The following SYT16 variants were observed in gnomAD, a reference collection of about 807,000 sequenced individuals.
SYT16 encodes synaptotagmin 16.
In SYT16, 42 loss-of-function variants were observed where a neutral mutation model predicts 61.4. That is an observed-to-expected ratio of 0.68 (90% CI 0.53 to 0.89). SYT16 has a LOEUF of 0.89. Ranked by LOEUF, SYT16 falls within the 40% of genes least tolerant of loss-of-function variation. SYT16 has a pLI of 0.00. For synonymous variants in SYT16, 314 were observed against 302.3 expected (o/e 1.04, Z -0.40); for missense variants, 804 against 807.3 (o/e 1.00, Z 0.05).
chr14:62,046,074 T>C (rs2054967011), intron 3 of SYT16, among the ~76,000 whole-genome samples: 1 of 152,212 alleles, frequency 6.6e-6, no homozygotes, highest in African/African-American at 2.4e-5. Flanking sequence ...ACCAACAGTG[T>C]AAAAGTGTTC....
intron 1 of SYT16, among the ~76,000 whole-genome samples, chr14:61,924,322 C>G (rs551813903): frequency 1.3e-5 from 2 of 152,262 alleles, no homozygotes; most frequent in South Asian, 4.1e-4. Context: ...CCAAGATAAT[C>G]CCTGGGTGTC....
chr14:61,871,400 C>G (rs887921031), intron 1 of SYT16, among the ~76,000 whole-genome samples: 1 of 152,132 alleles, frequency 6.6e-6, no homozygotes, highest in South Asian at 2.1e-4. Flanking sequence ...TTCTGCAGTG[C>G]TTTACCCCAC....
At chr14:62,032,286 A>C (rs2054336985) in intron 3 of SYT16, among the ~76,000 whole-genome samples, 2 of 152,064 alleles carry the variant, frequency 1.3e-5, no homozygotes, top group African/African-American at 2.4e-5. Context: ...TATTAAGGTA[A>C]TTTTGTCATT....
intron 3 of SYT16, among the ~76,000 whole-genome samples, chr14:62,054,571 A>T (rs2140899705): frequency 6.6e-6 from 1 of 152,086 alleles, no homozygotes; most frequent in African/African-American, 2.4e-5. Flanking sequence ...CATGTTGCCC[A>T]GGCTGGTTTC....
At chr14:62,021,241 C>T (rs2140758405) in intron 3 of SYT16, among the ~76,000 whole-genome samples, 1 of 152,252 alleles carries the variant, frequency 6.6e-6, no homozygotes, top group Non-Finnish European at 1.5e-5. Context: ...ATTGCATTTT[C>T]TAAGGCATTG....
intron 3 of SYT16, 117 bp from the exon 4 acceptor site, chr14:62,069,486 T>C (rs1387676788): frequency 2.9e-6 from 3 of 1,022,162 alleles, no homozygotes; most frequent in South Asian, 1.6e-5. Flanking sequence ...CCAGTTTGAG[T>C]GTGCCTTCGT....
rs140654789 is a variant in SYT16 at position 61,828,075 on chromosome 14, G to A, written c.-325+15265G>A. Among the ~76,000 whole-genome samples, 668 of 152,290 alleles carry A rather than the reference G, an allele frequency of 4.4e-3. 10 individuals are homozygous for A. Among genetic ancestry groups the A allele is most frequent in the African/African-American group, 0.015 (639 of 41,558 alleles). On this transcript the variant is annotated intron_variant, in intron 1 of 7. Coordinates refer to ENST00000683842, the MANE Select transcript of SYT16 (RefSeq NM_001367656.1). ...CATTGTAAGAAGAGGAGACTTGGACGCAGACACAGAGAGGATCATGTGAAG... is the reference window on the plus strand; with the variant it reads ...CATTGTAAGAAGAGGAGACTTGGACACAGACACAGAGAGGATCATGTGAAG...
At chr14:61,884,476 A>G (rs1235760051) in intron 1 of SYT16, among the ~76,000 whole-genome samples, 4 of 152,238 alleles carry the variant, frequency 2.6e-5, no homozygotes, top group Admixed American at 2.0e-4. Context: ...AATGATATGC[A>G]TATATCCTAC....
At position 62,002,605 on chromosome 14, in the gene SYT16, C is replaced by A. The variant is rs186007864; in HGVS notation, c.523+6063C>A. Among the ~76,000 whole-genome samples the A allele has an allele frequency of 3.9e-5, 6 of 152,200 alleles. No homozygotes were observed. In the South Asian group the frequency reaches 6.2e-4, roughly 16 times the overall value. ...TTGAGGTTAGGACGTTCTCAGTAAT[C>A]CTGCCTCTCTCCCCGGAGACAGGGG... On this transcript the variant is annotated intron_variant, in intron 3 of 7. Transcript: ENST00000683842.
intron 1 of SYT16, chr14:61,832,393 G>T: frequency 1.9e-6 from 1 of 531,812 alleles, no homozygotes; most frequent in Non-Finnish European, 3.8e-6. Context: ...CCCCACCACC[G>T]CCGCCCTCTA....
intron 1 of SYT16, among the ~76,000 whole-genome samples, chr14:61,961,695 G>C (rs2051122549): frequency 6.6e-6 from 1 of 152,160 alleles, no homozygotes; most frequent in South Asian, 2.1e-4. Flanking sequence ...AGCTATTGTG[G>C]AAAGCAGGTT....
Position 62,100,850 on chromosome 14 carries a change from G to A in SYT16, c.*143G>A. The A allele has an allele frequency of 1.3e-6, 1 of 769,094 alleles. No homozygotes were observed. The highest frequency in any genetic ancestry group is 2.0e-6 in the Non-Finnish European group (1 of 492,340). 47.6% of individuals were successfully genotyped at this position (769,094 alleles called of 1,614,324 possible). A position where few individuals can be genotyped will look rare whatever the true frequency, so the allele number is the denominator to read the frequency against. On this transcript the variant is annotated 3_prime_UTR_variant, in exon 8 of 8. Coordinates refer to ENST00000683842, the MANE Select transcript of SYT16 (RefSeq NM_001367656.1). ...AGGACATTGTGAGTGGGAGTTTTGG[G>A]TTTCTCAATGGTCTGATTTGGATTT... is the stretch of plus-strand genomic sequence containing the variant.
intron 1 of SYT16, among the ~76,000 whole-genome samples, chr14:61,866,331 A>T (rs2047152839): frequency 6.6e-6 from 1 of 152,142 alleles, no homozygotes; most frequent in Non-Finnish European, 1.5e-5. Context: ...GAGAAAGGAA[A>T]AAATAATTGC....
intron 1 of SYT16, among the ~76,000 whole-genome samples, chr14:61,912,609 C>T (rs1464230852): frequency 6.6e-6 from 1 of 152,108 alleles, no homozygotes; most frequent in African/African-American, 2.4e-5. Flanking sequence ...GAGTGCTCTA[C>T]GAGGAGTCTA....
intron 5 of SYT16, chr14:62,079,290 G>A: frequency 1.0e-6 from 1 of 997,668 alleles, no homozygotes; most frequent in Admixed American, 3.4e-5. Flanking sequence ...TCACAGGAAA[G>A]GATATAAGAA....
chr14:61,914,468 G>T lies in SYT16; in HGVS notation c.-324-55664G>T, dbSNP rs561045028. 2.2e-4 allele frequency among the ~76,000 whole-genome samples: 34 copies of T among 152,216 alleles called. No homozygotes were observed. The South Asian group carries it at 6.9e-3, about 31-fold the overall frequency. The stretch of plus-strand genomic sequence containing the variant: ...AAATCCAGACTCATTTATCCAATCA[G>T]CATTTTCACTTAAGTGTCCAGTAGG... On this transcript the variant is annotated intron_variant, in intron 1 of 7. Transcript: ENST00000683842.
rs373347133 is a variant in SYT16, at chr14:61,901,112, G to A, written c.-324-69020G>A. 8.1e-4 allele frequency among the ~76,000 whole-genome samples: 124 copies of A among 152,318 alleles called. 1 individual carries two copies. Among genetic ancestry groups the A allele is most frequent in the South Asian group, 1.4e-3 (7 of 4,834 alleles). On this transcript the variant is annotated intron_variant, in intron 1 of 7. Coordinates refer to ENST00000683842, the MANE Select transcript of SYT16 (RefSeq NM_001367656.1). Reference sequence around the variant, plus strand: ...TCAGCCACCTTCAGGCTTCCTCAGTGTCTAACTAATCTAGCCTTCCCTTTC... The same window carrying A: ...TCAGCCACCTTCAGGCTTCCTCAGTATCTAACTAATCTAGCCTTCCCTTTC...
intron 1 of SYT16, among the ~76,000 whole-genome samples, chr14:61,850,466 C>CT (rs777298917): frequency 1.7e-4 from 26 of 151,950 alleles, no homozygotes; most frequent in Non-Finnish European, 2.9e-4. Context: ...TGATGTTGAA[C>CT]TTTTTTTTCA....
At chr14:62,028,770 A>T (rs182358116) in intron 3 of SYT16, among the ~76,000 whole-genome samples, 63 of 152,090 alleles carry the variant, frequency 4.1e-4, no homozygotes, top group African/African-American at 1.3e-3. Context: ...TCTTTTTTTA[A>T]AAAAAAGTAA....
Sources: gnomAD v4.1 joint callset for allele counts (sites outside exome capture counted in the v4.1 genomes callset) on GRCh38, gnomAD v4.1.1 for gene constraint, MANE v1.5 for transcripts, NCBI Gene and HGNC (gene_info 2026-07-23, HGNC 2026-07-21) for gene names.